Variants in BNC2 observed in about 807,000 individuals in gnomAD.
BNC2 encodes zinc finger protein basonuclin-2.
BNC2 carries 20 observed loss-of-function variants against 76.3 expected under a neutral mutation model. The ratio of observed to expected loss-of-function variants is 0.26; its 90% CI spans 0.18 to 0.38. The LOEUF (loss-of-function observed/expected upper bound fraction) is 0.38, where lower values mean the gene tolerates loss of function less well. BNC2 is among the 10% of genes least tolerant of loss of function. The pLI is 1.00. For missense variants in BNC2, 1,382 were observed against 1,399.8 expected (o/e 0.99, Z 0.20); for synonymous variants, 582 against 514.8 (o/e 1.13, Z -1.77).
At chr9:16,681,525 T>A (rs1020107580) in intron 3 of BNC2, among the ~76,000 whole-genome samples, 1 of 152,114 alleles carries the variant, frequency 6.6e-6, no homozygotes, top group Non-Finnish European at 1.5e-5. Flanking sequence ...GAAAGAGAAC[T>A]GCAGGAAACT....
intron 1 of BNC2, among the ~76,000 whole-genome samples, chr9:16,831,259 C>T (rs1372451925): frequency 3.3e-5 from 5 of 152,182 alleles, no homozygotes. Flanking sequence ...AAATGCCAAA[C>T]ATTTAAGCCA....
intron 3 of BNC2, among the ~76,000 whole-genome samples, chr9:16,655,653 A>T (rs2133990548): frequency 6.6e-6 from 1 of 152,366 alleles, no homozygotes; most frequent in South Asian, 2.1e-4. Context: ...AATAATTCTA[A>T]CAAAAGATAT....
intron 1 of BNC2, among the ~76,000 whole-genome samples, chr9:16,779,822 G>A (rs570839641): frequency 6.6e-6 from 1 of 152,334 alleles, no homozygotes; most frequent in East Asian, 1.9e-4. Context: ...CCTATGGCTG[G>A]AGGAATGGCA....
At chr9:16,509,940 G>A (rs1022600358) in intron 5 of BNC2, among the ~76,000 whole-genome samples, 1 of 152,212 alleles carries the variant, frequency 6.6e-6, no homozygotes, top group Non-Finnish European at 1.5e-5. Context: ...GTGACTTTGA[G>A]TGCAAGTATT....
At chr9:16,579,852 T>G (rs1819583330) in intron 4 of BNC2, 1 of 355,162 alleles carries the variant, frequency 2.8e-6, no homozygotes. Flanking sequence ...AAATCTGTTT[T>G]AGAGAGAATA....
intron 3 of BNC2, among the ~76,000 whole-genome samples, chr9:16,587,996 A>T (rs1819819968): frequency 3.3e-5 from 5 of 152,152 alleles, no homozygotes. Flanking sequence ...CTAGAATTTA[A>T]GTTCCATGAG....
chr9:16,816,534 TA>T (rs1484846411), intron 1 of BNC2, among the ~76,000 whole-genome samples: 2 of 152,092 alleles, frequency 1.3e-5, no homozygotes, highest in Non-Finnish European at 2.9e-5. Flanking sequence ...ATATACAAAG[TA>T]TAACAATGAC....
chr9:16,768,811 A>C (rs531877787), intron 1 of BNC2, among the ~76,000 whole-genome samples: 1 of 152,350 alleles, frequency 6.6e-6, no homozygotes, highest in East Asian at 1.9e-4. Context: ...GCGATATATG[A>C]CTTGAAATAA....
rs549870366 is a variant in BNC2 at position 16,698,071 on chromosome 9, T to C, written c.330+29726A>G. On this transcript the variant is annotated intron_variant, in intron 3 of 6. Transcript: ENST00000380672. ...GCCTACTTTTGTAAATAAAGTTTTA[T>C]TGAAATAGAGCCCTGCCTATTCCTT... Among the ~76,000 whole-genome samples, 3 of 152,330 alleles carry C rather than the reference T, an allele frequency of 2.0e-5. No homozygotes were observed. The South Asian group carries it at 6.2e-4, about 32-fold the overall frequency.
chr9:16,433,711 T>C (rs575126882), intron 6 of BNC2, among the ~76,000 whole-genome samples: 1 of 152,216 alleles, frequency 6.6e-6, no homozygotes, highest in Non-Finnish European at 1.5e-5. Flanking sequence ...ACTGGGTGTG[T>C]AGCCTTTTGG....
chr9:16,700,706 T>G (rs185075684), intron 3 of BNC2, among the ~76,000 whole-genome samples: 2 of 152,262 alleles, frequency 1.3e-5, no homozygotes, highest in East Asian at 3.9e-4. Context: ...ATGCCTGTAA[T>G]CCCAGCCCTT....
intron 1 of BNC2, among the ~76,000 whole-genome samples, chr9:16,829,095 G>A (rs1331018412): frequency 2.0e-5 from 3 of 152,148 alleles, no homozygotes; most frequent in Non-Finnish European, 4.4e-5. Context: ...GACTGAGCGC[G>A]ACTGTTCCGC....
chr9:16,751,417 A>G (rs183721704), intron 1 of BNC2, among the ~76,000 whole-genome samples: 18 of 152,044 alleles, frequency 1.2e-4, no homozygotes, highest in African/African-American at 4.3e-4. Context: ...AGAGATCAGC[A>G]ATGAACTCTC....
At chr9:16,552,161 A>C (rs539785883) in intron 5 of BNC2, among the ~76,000 whole-genome samples, 30 of 152,172 alleles carry the variant, frequency 2.0e-4, no homozygotes, top group Non-Finnish European at 2.2e-4. Context: ...AATAAACCCA[A>C]ATGAAGGGTA....
intron 5 of BNC2, among the ~76,000 whole-genome samples, chr9:16,485,220 TTC>T (rs1376940988): frequency 6.6e-6 from 1 of 152,146 alleles, no homozygotes; most frequent in Admixed American, 6.5e-5. Flanking sequence ...TAAATGATCG[TTC>T]CTCATAACCA....
chr9:16,415,923 T>C lies in BNC2; in HGVS notation c.*3066A>G, dbSNP rs1301841092. ...AAAGTGTCAGCTGTCCAGGACTTAT[T>C]GCCACTTCTCTGACAAAACACAGGT... On this transcript the variant is annotated 3_prime_UTR_variant, in exon 7 of 7. Coordinates refer to ENST00000380672, the MANE Select transcript of BNC2 (RefSeq NM_017637.6). 3 of 152,190 alleles carry C rather than the reference T, an allele frequency of 2.0e-5. No homozygotes were observed. Among genetic ancestry groups the C allele is most frequent in the African/African-American group, 7.2e-5 (3 of 41,440 alleles). 9.4% of individuals were successfully genotyped at this position (152,190 alleles called of 1,614,324 possible). A position where few individuals can be genotyped will look rare whatever the true frequency, so the allele number is the denominator to read the frequency against.
chr9:16,624,895 C>G (rs542180594), intron 3 of BNC2, among the ~76,000 whole-genome samples: 3 of 152,092 alleles, frequency 2.0e-5, no homozygotes, highest in Non-Finnish European at 2.9e-5. Context: ...TAACCAAATC[C>G]CCCACTTCCT....
chr9:16,449,614 T>C (rs1475177386), intron 5 of BNC2, among the ~76,000 whole-genome samples: 3 of 152,162 alleles, frequency 2.0e-5, no homozygotes, highest in African/African-American at 2.4e-5. Flanking sequence ...GACAGAAGAA[T>C]GAACAAATTA....
chr9:16,794,168 G>A (rs1817587110), intron 1 of BNC2, among the ~76,000 whole-genome samples: 1 of 152,070 alleles, frequency 6.6e-6, no homozygotes, highest in Non-Finnish European at 1.5e-5. Context: ...TGGCCAAGAA[G>A]GTCCATCTCC....
Sources: allele counts gnomAD v4.1 joint callset (sites outside exome capture counted in the v4.1 genomes callset), GRCh38; gene constraint gnomAD v4.1.1; transcripts MANE v1.5; gene names NCBI Gene and HGNC (gene_info 2026-07-23, HGNC 2026-07-21).